ATG7: variants seen among roughly 807,000 people sequenced by gnomAD.
ATG7 encodes ubiquitin-like modifier-activating enzyme ATG7.
ATG7 carries 70 observed loss-of-function variants against 82.4 expected under a neutral mutation model. That is an observed-to-expected ratio of 0.85 (90% CI 0.70 to 1.04). The LOEUF is 1.04. Among genes scored for constraint, ATG7 ranks in the 50% least tolerant of loss-of-function variants. The pLI, the probability that ATG7 is intolerant of heterozygous loss-of-function variation, is 0.00. For missense variants in ATG7, 792 were observed against 864.3 expected (o/e 0.92, Z 1.05); for synonymous variants, 287 against 313.0 (o/e 0.92, Z 0.88).
At chr3:11,442,459 C>A (rs1214956104) in intron 20 of ATG7, among the ~76,000 whole-genome samples, 1 of 151,828 alleles carries the variant, frequency 6.6e-6, no homozygotes, top group East Asian at 1.9e-4. Flanking sequence ...AAAAATGTTT[C>A]GGGATATATA....
intron 16 of ATG7, among the ~76,000 whole-genome samples, chr3:11,361,722 C>G (rs1297540771): frequency 6.6e-6 from 1 of 152,094 alleles, no homozygotes; most frequent in African/African-American, 2.4e-5. Context: ...GGAAGAATAC[C>G]TGCCCTGTCA....
intron 20 of ATG7, among the ~76,000 whole-genome samples, chr3:11,551,784 T>A (rs977692790): frequency 6.6e-6 from 1 of 151,820 alleles, no homozygotes; most frequent in East Asian, 1.9e-4. Flanking sequence ...GGTCTCACCC[T>A]GTCGCCCAGG....
chr3:11,515,987 A>G (rs1180053341), intron 20 of ATG7, among the ~76,000 whole-genome samples: 1 of 151,708 alleles, frequency 6.6e-6, no homozygotes, highest in Non-Finnish European at 1.5e-5. Context: ...GGGTAGAGGC[A>G]TGGGGGAAGG....
At chr3:11,541,259 G>T (rs111292012) in intron 20 of ATG7, among the ~76,000 whole-genome samples, 5,335 of 152,318 alleles carry the variant, frequency 0.035, 114 homozygotes, top group African/African-American at 0.055. Context: ...TGTAGGGTAT[G>T]AGTTAAGGGT....
At chr3:11,564,915 A>G in the ATG7 span, 1 of 1,599,618 alleles carries the variant, frequency 6.3e-7, no homozygotes, top group Non-Finnish European at 8.5e-7. Flanking sequence ...GGAGGTGTAC[A>G]GGTGGCTGCC....
At chr3:11,545,843 CAGA>C (rs1448569348) in intron 20 of ATG7, among the ~76,000 whole-genome samples, 3 of 152,230 alleles carry the variant, frequency 2.0e-5, no homozygotes, top group Non-Finnish European at 4.4e-5. Flanking sequence ...CAGCCTCCTG[CAGA>C]AGAAGTGGGG....
the ATG7 span, among the ~76,000 whole-genome samples, chr3:11,575,972 G>A: frequency 6.6e-6 from 1 of 152,198 alleles, no homozygotes; most frequent in East Asian, 1.9e-4. Flanking sequence ...CTCAGGTCAC[G>A]TTTCTGAATA....
intron 9 of ATG7, among the ~76,000 whole-genome samples, chr3:11,330,234 A>G (rs959145990): frequency 1.2e-4 from 19 of 152,190 alleles, no homozygotes; most frequent in African/African-American, 4.6e-4. Flanking sequence ...CAGTAATTCC[A>G]GCTACCTTTA....
chr3:11,507,663 T>G (rs957068526), intron 20 of ATG7, among the ~76,000 whole-genome samples: 3 of 152,200 alleles, frequency 2.0e-5, no homozygotes, highest in Non-Finnish European at 2.9e-5. Flanking sequence ...TTGTTTGTCC[T>G]TCCAAATTTA....
rs994583242 is a variant in ATG7, at chr3:11,464,467, C to A, written c.2079+37541C>A. The stretch of plus-strand genomic sequence containing the variant: ...CCAGTTGGTTAACTCCGCACCCCCT[C>A]GGTAAAGTACGGGGGGAGGCTGAAC... On this transcript the variant is annotated intron_variant, in intron 20 of 20. Coordinates refer to ENST00000693202, the MANE Select transcript of ATG7 (RefSeq NM_001349232.2). Among the ~76,000 whole-genome samples, 5 of 152,330 alleles carry A rather than the reference C, an allele frequency of 3.3e-5. No individual in the cohort carries two copies. In the Middle Eastern group the frequency reaches 0.017, roughly 518 times the overall value.
intron 18 of ATG7, among the ~76,000 whole-genome samples, chr3:11,378,263 C>T (rs574756018): frequency 8.0e-5 from 12 of 150,400 alleles, no homozygotes; most frequent in Admixed American, 2.0e-4. Flanking sequence ...GTGATCTGCC[C>T]GCCTCAGCCT....
intron 11 of ATG7, among the ~76,000 whole-genome samples, chr3:11,335,249 A>G (rs1210628430): frequency 1.3e-5 from 2 of 152,074 alleles, no homozygotes; most frequent in South Asian, 4.1e-4. Flanking sequence ...CTTACATGCT[A>G]TACCTTTGTT....
chr3:11,556,467 C>A lies in ATG7; in HGVS notation c.*1624C>A, dbSNP rs774018935. The A allele has an allele frequency of 6.5e-6, 1 of 152,704 alleles. No individual in the cohort carries two copies. The highest frequency in any genetic ancestry group is 1.5e-5 in the Non-Finnish European group (1 of 68,040). The allele number at this position is 152,704 out of a possible 1,614,324, so 9.5% of individuals were successfully genotyped here. A position where few individuals can be genotyped will look rare whatever the true frequency, so the allele number is the denominator to read the frequency against. Reference sequence around the variant, plus strand: ...GTCCCAGGAGTGTCCTCCACCGAGCCGGTCAGCTGTGGGTGGTTTTCCTGT... The same window carrying A: ...GTCCCAGGAGTGTCCTCCACCGAGCAGGTCAGCTGTGGGTGGTTTTCCTGT... On this transcript the variant is annotated 3_prime_UTR_variant, in exon 21 of 21. Transcript: ENST00000693202.
At chr3:11,565,956 C>A in the ATG7 span, among the ~76,000 whole-genome samples, 2 of 152,150 alleles carry the variant, frequency 1.3e-5, no homozygotes, top group Non-Finnish European at 2.9e-5. This position sits in a 1 kb window ranked among gnomAD's most constrained non-coding sequence, Gnocchi z 4.1. Context: ...GACAGAGTAA[C>A]CTTTTTCCGT....
At position 11,364,698 on chromosome 3, in the gene ATG7, T is replaced by C. The variant is rs1225552831; in HGVS notation, c.1839T>C (p.Asn613=). 2 of 1,614,080 alleles carry C rather than the reference T, an allele frequency of 1.2e-6. No individual in the cohort carries two copies. Among genetic ancestry groups the C allele is most frequent in the Non-Finnish European group, 1.7e-6 (2 of 1,180,016 alleles). Residue 613 remains asparagine (N), a synonymous_variant, in exon 18 of 21, where the codon AAT becomes AAC. Coordinates refer to ENST00000693202, the MANE Select transcript of ATG7 (RefSeq NM_001349232.2). ...AIASSSDDRM[N]EPPTSLGLVP... ...CCAGCAGCAGTGACGATCGGATGAA[T>C]GAGCCTCCAACCTCTCTTGGGCTTG...
chr3:11,310,635 T>TG (rs1319448743), intron 7 of ATG7, among the ~76,000 whole-genome samples: 1 of 141,476 alleles, frequency 7.1e-6, no homozygotes. Context: ...AATTCTGTAG[T>TG]TTTTTTTTTT....
intron 19 of ATG7, among the ~76,000 whole-genome samples, chr3:11,394,464 C>T (rs932467802): frequency 3.3e-5 from 5 of 152,008 alleles, no homozygotes; most frequent in Non-Finnish European, 7.4e-5. Flanking sequence ...GGAGCAAAGC[C>T]GTAGTATTAG....
At chr3:11,518,997 A>G (rs2092361482) in intron 20 of ATG7, among the ~76,000 whole-genome samples, 1 of 152,186 alleles carries the variant, frequency 6.6e-6, no homozygotes. Context: ...AAAAAATCTT[A>G]TATAAGTAAA....
chr3:11,429,331 AC>A (rs1326277586), intron 20 of ATG7, among the ~76,000 whole-genome samples: 1 of 152,002 alleles, frequency 6.6e-6, no homozygotes, highest in Non-Finnish European at 1.5e-5. Context: ...CCCCGTCTCT[AC>A]TAAAAATGCA....
Sources: allele counts gnomAD v4.1 joint callset (sites outside exome capture counted in the v4.1 genomes callset), GRCh38; gene constraint gnomAD v4.1.1; non-coding constraint Gnocchi (gnomAD v3.1); transcripts MANE v1.5; gene names NCBI Gene and HGNC (gene_info 2026-07-23, HGNC 2026-07-21).